FBLIM1: variants seen among roughly 807,000 people sequenced by gnomAD.
The protein encoded by FBLIM1 is filamin-binding LIM protein 1.
A neutral mutation model predicts 37.4 loss-of-function variants in FBLIM1; 29 were observed. The ratio of observed to expected loss-of-function variants is 0.77; its 90% CI spans 0.58 to 1.06. FBLIM1 has a LOEUF of 1.06. FBLIM1 is among the 50% of genes least tolerant of loss of function. FBLIM1 has a pLI of 0.00. For synonymous variants in FBLIM1, 193 were observed against 199.0 expected (o/e 0.97, Z 0.25); for missense variants, 449 against 505.6 (o/e 0.89, Z 1.07).
intron 8 of FBLIM1, among the ~76,000 whole-genome samples, chr1:15,780,217 G>C (rs1170667990): frequency 6.6e-6 from 1 of 150,944 alleles, no homozygotes; most frequent in East Asian, 2.0e-4. Flanking sequence ...TTTTTTTGTA[G>C]AGACTGAGTC....
At position 15,770,450 on chromosome 1, in the gene FBLIM1, C is replaced by T. The variant is rs751152691; in HGVS notation, c.583C>T (p.Leu195=). The change falls in exon 6 of 9, where the codon CTG becomes TTG. Residue 195 remains leucine (L), a synonymous_variant. Coordinates refer to ENST00000375766, the MANE Select transcript of FBLIM1 (RefSeq NM_017556.4). ...FCHKTVSPRE[L]AVEAMKRQYH... Reference sequence around the variant, plus strand: ...CCACAAGACCGTGTCCCCCCGAGAGCTGGCTGTGGAGGCCATGAAGAGGCA... The same window carrying T: ...CCACAAGACCGTGTCCCCCCGAGAGTTGGCTGTGGAGGCCATGAAGAGGCA... The T allele has an allele frequency of 1.2e-6, 2 of 1,613,288 alleles. No individual in the cohort carries two copies. Among genetic ancestry groups the T allele is most frequent in the East Asian group, 2.2e-5 (1 of 44,884 alleles).
Position 15,774,714 on chromosome 1 carries a change from G to A in FBLIM1, c.808G>A (p.Val270Met), listed in dbSNP as rs200214467. ...QAFHPSCFTC[V>M]TCARCIGDES... ...CTTCCACCCCTCCTGCTTCACGTGT[G>A]TGACCTGCGCCCGGTGCATTGGGGA... The change falls in exon 7 of 9, where the codon GTG becomes ATG. Residue 270 changes from valine to methionine, a missense_variant. Physicochemically the swap from Val to Met is conservative, Grantham distance 21. Coordinates refer to ENST00000375766, the MANE Select transcript of FBLIM1 (RefSeq NM_017556.4). 125 of 1,614,058 alleles carry A rather than the reference G, an allele frequency of 7.7e-5. No individual in the cohort carries two copies. The highest frequency in any genetic ancestry group is 8.1e-5 in the Non-Finnish European group (95 of 1,180,010).
In FBLIM1 at chr1:15,765,514, G is replaced by A. The variant is rs2068873513; in HGVS notation, c.250+281G>A. ...AAACTTGCCTGGGAAGGGCTGTCCT[G>A]TCACTGGTCAGCATGGCTGGCTGGC... On this transcript the variant is annotated intron_variant, in intron 3 of 8. Coordinates refer to ENST00000375766, the MANE Select transcript of FBLIM1 (RefSeq NM_017556.4). This position sits in a 1 kb window ranked among gnomAD's most constrained non-coding sequence, Gnocchi z 5.9. Among the ~76,000 whole-genome samples, 1 of 152,004 alleles carries A rather than the reference G, an allele frequency of 6.6e-6. No homozygotes were observed. Among genetic ancestry groups the A allele is most frequent in the Non-Finnish European group, 1.5e-5 (1 of 68,006 alleles).
In FBLIM1 at chr1:15,784,615, T is replaced by C; in HGVS notation, c.1076T>C (p.Phe359Ser). The C allele has an allele frequency of 6.2e-7, 1 of 1,614,140 alleles. No individual in the cohort carries two copies. The highest frequency in any genetic ancestry group is 8.5e-7 in the Non-Finnish European group (1 of 1,180,004). The change falls in exon 9 of 9, where the codon TTC becomes TCC. Residue 359 changes from phenylalanine (F) to serine (S), a missense_variant. Transcript: ENST00000375766. ...QGCYPLNNHLFCKPCHVKRSA... is the reference protein window; with the variant it reads ...QGCYPLNNHLSCKPCHVKRSA... ...TGCTACCCCCTGAACAACCATCTCTTCTGCAAGCCATGCCATGTGAAGCGG... is the reference window on the plus strand; with the variant it reads ...TGCTACCCCCTGAACAACCATCTCTCCTGCAAGCCATGCCATGTGAAGCGG...
intron 7 of FBLIM1, among the ~76,000 whole-genome samples, chr1:15,776,861 C>T (rs1266356844): frequency 2.0e-5 from 2 of 99,372 alleles, no homozygotes; most frequent in Non-Finnish European, 4.2e-5. Context: ...AAAAAAACTC[C>T]ATCTCAAAAA....
At chr1:15,782,811 T>C (rs1322065083) in intron 8 of FBLIM1, among the ~76,000 whole-genome samples, 1 of 4,256 alleles carries the variant, frequency 2.3e-4, no homozygotes, top group African/African-American at 6.0e-4. Context: ...ATAGGGACTC[T>C]TTTTTTTTTT....
intron 3 of FBLIM1, among the ~76,000 whole-genome samples, chr1:15,766,341 A>G (rs1054712526): frequency 6.6e-6 from 1 of 151,970 alleles, no homozygotes; most frequent in Non-Finnish European, 1.5e-5. Context: ...CTGTCACCCA[A>G]GCAGGAGTGC....
chr1:15,761,482 C>T (rs745348269), intron 1 of FBLIM1, among the ~76,000 whole-genome samples: 9 of 152,098 alleles, frequency 5.9e-5, no homozygotes, highest in East Asian at 1.9e-4. Flanking sequence ...GGGCCTGGCA[C>T]GAAACAAGTG....
chr1:15,770,071 T>C (rs532678555), intron 5 of FBLIM1, among the ~76,000 whole-genome samples: 1 of 152,026 alleles, frequency 6.6e-6, no homozygotes, highest in South Asian at 2.1e-4. Flanking sequence ...CTCAGCCCCA[T>C]GAGTAGCTGG....
At position 15,770,503 on chromosome 1, in the gene FBLIM1, C is replaced by T. The variant is rs1192181081; in HGVS notation, c.636C>T (p.Arg212=). Residue 212 remains arginine (R), a synonymous_variant, in exon 6 of 9, where the codon CGC becomes CGT. Transcript: ENST00000375766. ...ACCATGCCCAGTGCTTCACGTGCCGCACCTGCCGCCGCCAGCTGGCTGGGC... is the reference window on the plus strand; with the variant it reads ...ACCATGCCCAGTGCTTCACGTGCCGTACCTGCCGCCGCCAGCTGGCTGGGC... ...RQYHAQCFTC[R]TCRRQLAGQS... The T allele has an allele frequency of 1.2e-6, 2 of 1,613,760 alleles. No individual in the cohort carries two copies. Among genetic ancestry groups the T allele is most frequent in the Non-Finnish European group, 1.7e-6 (2 of 1,180,010 alleles).
At chr1:15,766,488 G>C (rs986855810) in intron 3 of FBLIM1, among the ~76,000 whole-genome samples, 6 of 152,052 alleles carry the variant, frequency 3.9e-5, no homozygotes, top group Admixed American at 2.6e-4. Context: ...GTAGAGACAG[G>C]GTTTCACCAG....
intron 8 of FBLIM1, among the ~76,000 whole-genome samples, chr1:15,777,571 C>CG (rs2069528849): frequency 7.0e-6 from 1 of 142,488 alleles, no homozygotes; most frequent in Non-Finnish European, 1.5e-5. Flanking sequence ...GGACTCTCTC[C>CG]ATTTTTTTTT....
At chr1:15,776,726 G>A (rs1323783033) in intron 7 of FBLIM1, among the ~76,000 whole-genome samples, 2 of 151,972 alleles carry the variant, frequency 1.3e-5, no homozygotes, top group African/African-American at 4.8e-5. Context: ...GCTGGGCGTG[G>A]TGGTGCCTGC....
upstream of FBLIM1, among the ~76,000 whole-genome samples, chr1:15,757,060 G>C (rs2068458195): frequency 6.6e-6 from 1 of 152,220 alleles, no homozygotes; most frequent in African/African-American, 2.4e-5. The surrounding 1 kb of genome is among the most constrained non-coding windows in gnomAD (Gnocchi z 4.1). Context: ...AGGGTATGGG[G>C]AAGTCTCCTC....
intron 1 of FBLIM1, among the ~76,000 whole-genome samples, chr1:15,761,183 C>G (rs533884826): frequency 6.6e-6 from 1 of 152,176 alleles, no homozygotes; most frequent in African/African-American, 2.4e-5. Context: ...GGGACCAGCC[C>G]GGAACATGCC....
chr1:15,776,854 A>C (rs1336180997), intron 7 of FBLIM1, among the ~76,000 whole-genome samples: 1 of 150,440 alleles, frequency 6.6e-6, no homozygotes, highest in Non-Finnish European at 1.5e-5. Context: ...AAGAGCAAAA[A>C]AAACTCCATC....
At position 15,784,543 on chromosome 1, in the gene FBLIM1, C is replaced by G; in HGVS notation, c.1009-5C>G. On this transcript the variant is annotated splice_polypyrimidine_tract_variant and splice_region_variant and intron_variant, in intron 8 of 8. Transcript: ENST00000375766. ...GCGGGTCAGCATGTGTCTTTGTCTC[C>G]CCAGGACTGCAGGATCCTCCTGTCT... The G allele has an allele frequency of 6.2e-7, 1 of 1,613,318 alleles. No homozygotes were observed. Among genetic ancestry groups the G allele is most frequent in the African/African-American group, 1.3e-5 (1 of 75,046 alleles).
At chr1:15,776,602 C>A (rs1459753393) in intron 7 of FBLIM1, among the ~76,000 whole-genome samples, 1 of 152,104 alleles carries the variant, frequency 6.6e-6, no homozygotes, top group African/African-American at 2.4e-5. Context: ...CAGTGGCTCA[C>A]GCCTGTAATC....
At chr1:15,784,401 G>A (rs1024601178) in intron 8 of FBLIM1, 147 bp from the exon 9 acceptor site, 3 of 598,884 alleles carry the variant, frequency 5.0e-6, no homozygotes, top group Non-Finnish European at 9.0e-6. Flanking sequence ...GTGTTGGGAG[G>A]GCAGCAGTGA....
Sources: gnomAD v4.1 joint callset for allele counts (sites outside exome capture counted in the v4.1 genomes callset) on GRCh38, gnomAD v4.1.1 for gene constraint, Gnocchi (gnomAD v3.1) non-coding constraint, MANE v1.5 for transcripts, NCBI Gene and HGNC (gene_info 2026-07-23, HGNC 2026-07-21) for gene names.